Variants in TBC1D9 observed in about 807,000 individuals in gnomAD.
TBC1D9 encodes TBC1 domain family member 9.
In TBC1D9, 63 loss-of-function variants were observed where a neutral mutation model predicts 132.0. The ratio of observed to expected loss-of-function variants is 0.48; its 90% CI spans 0.39 to 0.59. The LOEUF (loss-of-function observed/expected upper bound fraction) is 0.59, where lower values mean the gene tolerates loss of function less well. TBC1D9 is among the 20% of genes least tolerant of loss of function. TBC1D9 has a pLI of 0.00. For missense variants in TBC1D9, 1,261 were observed against 1,592.7 expected (o/e 0.79, Z 3.54); for synonymous variants, 610 against 609.9 (o/e 1.00, Z 0.00).
intron 15 of TBC1D9, 60 bp from the exon 16 acceptor site, chr4:140,634,248 C>A: frequency 1.3e-6 from 2 of 1,577,910 alleles, no homozygotes; most frequent in South Asian, 1.2e-5. Flanking sequence ...AGAAAGAAAA[C>A]GCCCATCCTC....
At chr4:140,733,794 A>G (rs918034803) in intron 1 of TBC1D9, among the ~76,000 whole-genome samples, 10 of 152,222 alleles carry the variant, frequency 6.6e-5, no homozygotes, top group African/African-American at 2.2e-4. Flanking sequence ...TACCATTTCC[A>G]AAGAAATAAG....
At position 140,740,384 on chromosome 4, in the gene TBC1D9, A is replaced by G. The variant is rs760258564; in HGVS notation, c.130+15532T>C. Among the ~76,000 whole-genome samples, 20 of 152,344 alleles carry G rather than the reference A, an allele frequency of 1.3e-4. 2 individuals carry two copies. The highest frequency in any genetic ancestry group is 1.2e-3 in the South Asian group (6 of 4,820). On this transcript the variant is annotated intron_variant, in intron 1 of 20. Coordinates refer to ENST00000442267, the MANE Select transcript of TBC1D9 (RefSeq NM_015130.3). ...CAATCTAAGTCTAGCTCCTAAAACT[A>G]AAGTGTTTTCCACACCAGTAATACC... is the stretch of plus-strand genomic sequence containing the variant.
chr4:140,694,329 G>A lies in TBC1D9; in HGVS notation c.241+7175C>T, dbSNP rs1169710993. Reference sequence around the variant, plus strand: ...CTCATGCCTGTAATACTAGCACTTCGGGAGGCCGAGGTGGGTGAATCACTT... The same window carrying A: ...CTCATGCCTGTAATACTAGCACTTCAGGAGGCCGAGGTGGGTGAATCACTT... On this transcript the variant is annotated intron_variant, in intron 2 of 20. Coordinates refer to ENST00000442267, the MANE Select transcript of TBC1D9 (RefSeq NM_015130.3). Among the ~76,000 whole-genome samples, 5 of 151,992 alleles carry A rather than the reference G, an allele frequency of 3.3e-5. No individual in the cohort carries two copies. The South Asian group carries it at 8.3e-4, about 25-fold the overall frequency.
At chr4:140,674,670 T>C (rs950461356) in intron 6 of TBC1D9, among the ~76,000 whole-genome samples, 2 of 146,506 alleles carry the variant, frequency 1.4e-5, no homozygotes, top group Non-Finnish European at 3.0e-5. Flanking sequence ...AATTACATTG[T>C]AGAAGAATAT....
At position 140,678,967 on chromosome 4, in the gene TBC1D9, G is replaced by A; in HGVS notation, c.826C>T (p.Pro276Ser). Residue 276 changes from proline (P) to serine (S), a missense_variant, in exon 5 of 21, where the codon CCT becomes TCT. Pro to Ser is a moderately conservative substitution (Grantham distance 74, BLOSUM62 -1). Transcript: ENST00000442267. ...RSLPKLKRKS[P>S]KKVSALKRDL... ...CGTTTTAGAGCAGACACTTTTTTAG[G>A]AGATTTCCTTTTGAGTTTGGGCAGG... 6.2e-7 allele frequency: 1 copy of A among 1,613,778 alleles called. No homozygotes were observed. Among genetic ancestry groups the A allele is most frequent in the Non-Finnish European group, 8.5e-7 (1 of 1,179,740 alleles).
rs1230577263 is a variant in TBC1D9 at position 140,689,445 on chromosome 4, C to T, written c.242-2983G>A. ...TTTCCCTTCCCTTCCCCTCCCATTC[C>T]TTCCCTTCCCCCCTTCCCTTCCCTT... On this transcript the variant is annotated intron_variant, in intron 2 of 20. Transcript: ENST00000442267. 1.8e-3 allele frequency among the ~76,000 whole-genome samples: 121 copies of T among 67,868 alleles called. 1 individual carries two copies. Among genetic ancestry groups the T allele is most frequent in the Non-Finnish European group, 3.3e-3 (108 of 32,272 alleles). The allele number at this position is 67,868 out of a possible 152,430, so 44.5% of individuals were successfully genotyped here. A position where few individuals can be genotyped will look rare whatever the true frequency, so the allele number is the denominator to read the frequency against.
intron 1 of TBC1D9, chr4:140,715,728 T>G (rs1481317024): frequency 6.6e-6 from 1 of 152,238 alleles, no homozygotes; most frequent in Non-Finnish European, 1.5e-5. Context: ...GCTTGATTCC[T>G]GGGAGTTTCG....
At chr4:140,736,278 C>T (rs528239326) in intron 1 of TBC1D9, among the ~76,000 whole-genome samples, 1 of 152,174 alleles carries the variant, frequency 6.6e-6, no homozygotes, top group Non-Finnish European at 1.5e-5. Flanking sequence ...CGATGGCTCA[C>T]ATCTGTAATC....
At chr4:140,678,402 T>G (rs577828396) in intron 5 of TBC1D9, among the ~76,000 whole-genome samples, 1 of 152,338 alleles carries the variant, frequency 6.6e-6, no homozygotes, top group South Asian at 2.1e-4. Context: ...GGGCATCAAC[T>G]TTCCATCACC....
chr4:140,744,879 TAAAAAAAAAAAA>T (rs34469042), intron 1 of TBC1D9, among the ~76,000 whole-genome samples: 51 of 107,514 alleles, frequency 4.7e-4, no homozygotes, highest in African/African-American at 1.7e-3. Flanking sequence ...CAAGAGTGTT[TAAAAAAAAAAAA>T]AAAAAAAAAA....
chr4:140,692,567 C>T (rs1404935677), intron 2 of TBC1D9, among the ~76,000 whole-genome samples: 1 of 152,174 alleles, frequency 6.6e-6, no homozygotes, highest in Non-Finnish European at 1.5e-5. Context: ...CCAAAAATAA[C>T]ATGGTGATTT....
intron 13 of TBC1D9, chr4:140,642,725 C>T: frequency 4.6e-6 from 3 of 654,642 alleles, no homozygotes; most frequent in Non-Finnish European, 8.2e-6. Context: ...CCCTTTGTGT[C>T]TCTTCCTTAT....
chr4:140,627,419 T>G, intron 18 of TBC1D9, 22 bp downstream of exon 18: 1 of 1,489,176 alleles, frequency 6.7e-7, no homozygotes, highest in Non-Finnish European at 9.3e-7. Flanking sequence ...ATATAGTATC[T>G]TTGGTGAGAA....
intron 13 of TBC1D9, among the ~76,000 whole-genome samples, chr4:140,640,447 T>TGGGGGGGGGGGG (rs55770281): frequency 3.0e-4 from 32 of 107,976 alleles, no homozygotes; most frequent in African/African-American, 4.4e-4. Context: ...GGTGGTGGGG[T>TGGGGGGGGGGGG]GGGGGGGGGA....
intron 16 of TBC1D9, among the ~76,000 whole-genome samples, chr4:140,630,454 A>G (rs7698088): frequency 0.67 from 101,726 of 152,038 alleles, 34,350 homozygotes; most frequent in African/African-American, 0.76. Context: ...AGATATCTGC[A>G]TTGTCTGTCA....
At chr4:140,691,127 C>G (rs1034095626) in intron 2 of TBC1D9, among the ~76,000 whole-genome samples, 1 of 152,090 alleles carries the variant, frequency 6.6e-6, no homozygotes, top group South Asian at 2.1e-4. Context: ...CTGAAAAGTA[C>G]GAGCCAGGAC....
intron 6 of TBC1D9, among the ~76,000 whole-genome samples, chr4:140,674,152 G>C (rs978831791): frequency 4.6e-5 from 7 of 152,180 alleles, no homozygotes; most frequent in African/African-American, 1.7e-4. Context: ...AGAAAATTAT[G>C]TTTAGTAACA....
At chr4:140,642,842 G>C in intron 13 of TBC1D9, 4 of 579,136 alleles carry the variant, frequency 6.9e-6, no homozygotes, top group Non-Finnish European at 1.2e-5. Context: ...CAGGGCTCTC[G>C]GGGGCGTGGG....
intron 2 of TBC1D9, among the ~76,000 whole-genome samples, chr4:140,688,644 G>A (rs1327451576): frequency 6.6e-6 from 1 of 152,126 alleles, no homozygotes; most frequent in African/African-American, 2.4e-5. Context: ...ACTTCAGCCT[G>A]GGCAACAGAG....
Sources: gnomAD v4.1 joint callset for allele counts (sites outside exome capture counted in the v4.1 genomes callset) on GRCh38, gnomAD v4.1.1 for gene constraint, MANE v1.5 for transcripts, NCBI Gene and HGNC (gene_info 2026-07-23, HGNC 2026-07-21) for gene names.